Variants in SRRT observed in about 807,000 individuals in gnomAD.
SRRT encodes the protein serrate, RNA effector molecule.
A neutral mutation model predicts 103.2 loss-of-function variants in SRRT; 32 were observed. The ratio of observed to expected loss-of-function variants is 0.31; its 90% CI spans 0.23 to 0.42. The LOEUF is 0.42. SRRT is among the 10% of genes least tolerant of loss of function. SRRT has a pLI of 1.00. For missense variants in SRRT, 986 were observed against 1,207.5 expected, an observed-to-expected ratio of 0.82 and a Z score of 2.72; for synonymous variants, 525 against 449.0, an observed-to-expected ratio of 1.17 and a Z score of -2.14.
chr7:100,884,035 CTG>C, intron 5 of SRRT, 33 bp from the exon 6 acceptor site: 1 of 1,517,446 alleles, frequency 6.6e-7, no homozygotes, highest in Non-Finnish European at 8.8e-7. Context: ...CTTCCAATAA[CTG>C]TTTTGTCTTT....
rs1259989645 is a variant in SRRT, at chr7:100,885,480, G to A, written c.1317+110G>A. Reference sequence around the variant, plus strand: ...ATGCCCCCGTTTCACCTGCTAGGGAGGCCCCTTCCCCAGGTTCCATGGCCT... The same window carrying A: ...ATGCCCCCGTTTCACCTGCTAGGGAAGCCCCTTCCCCAGGTTCCATGGCCT... On this transcript the variant is annotated intron_variant, in intron 10 of 19. Coordinates refer to ENST00000611405, the MANE Select transcript of SRRT (RefSeq NM_015908.6). The surrounding 1 kb of genome is among the most constrained non-coding windows in gnomAD (Gnocchi z 4.8). 1.5e-6 allele frequency: 2 copies of A among 1,290,344 alleles called. No individual in the cohort carries two copies. The highest frequency in any genetic ancestry group is 1.5e-5 in the African/African-American group (1 of 67,112). The allele number at this position is 1,290,344 out of a possible 1,614,324, so 79.9% of individuals were successfully genotyped here.
rs941708559 is a variant in SRRT at position 100,881,568 on chromosome 7, A to G, written c.252-91A>G. ...GTCCCTTGAAACCCTTGTCTGGGAG[A>G]CCATGCTGTGTGTACCCCCGTCTGT... On this transcript the variant is annotated intron_variant, in intron 3 of 19. Coordinates refer to ENST00000611405, the MANE Select transcript of SRRT (RefSeq NM_015908.6). The G allele has an allele frequency of 1.9e-5, 30 of 1,585,364 alleles. No homozygotes were observed. In the Admixed American group the frequency reaches 5.4e-4, roughly 28 times the overall value.
intron 2 of SRRT, among the ~76,000 whole-genome samples, chr7:100,877,174 G>C (rs924579211): frequency 1.7e-4 from 26 of 151,150 alleles, no homozygotes; most frequent in Admixed American, 1.6e-3. Context: ...TGAAATCCCA[G>C]CACTTTGGGA....
intron 3 of SRRT, 66 bp from the exon 4 acceptor site, chr7:100,881,593 T>A: frequency 6.2e-7 from 1 of 1,605,650 alleles, no homozygotes; most frequent in South Asian, 1.1e-5. Flanking sequence ...CCCCCGTCTG[T>A]CCATCCTCCA....
chr7:100,885,264 C>T lies in SRRT; in HGVS notation c.1211C>T (p.Pro404Leu), dbSNP rs1223758146. 9 of 1,614,120 alleles carry T rather than the reference C, an allele frequency of 5.6e-6. No individual in the cohort carries two copies. The highest frequency in any genetic ancestry group is 5.9e-6 in the Non-Finnish European group (7 of 1,180,020). ...EKPKEEEWEK[P>L]KDAAGLECKP... ...CCCAAGGAAGAAGAATGGGAGAAGC[C>T]CAAGGACGCCGCGGGGCTGGAGTGC... The change falls in exon 10 of 20, where the codon CCC (proline) becomes CTC (leucine). Residue 404 changes from proline to leucine, a missense_variant. Pro to Leu is a moderately conservative substitution (Grantham distance 98). Coordinates refer to ENST00000611405, the MANE Select transcript of SRRT (RefSeq NM_015908.6). This position sits in a 1 kb window ranked among gnomAD's most constrained non-coding sequence, Gnocchi z 4.8.
intron 2 of SRRT, among the ~76,000 whole-genome samples, chr7:100,880,046 A>G (rs545784825): frequency 4.5e-4 from 68 of 152,340 alleles, no homozygotes; most frequent in Non-Finnish European, 6.5e-4. Flanking sequence ...GAGAGACCAG[A>G]AGCAGGCGGG....
Position 100,885,493 on chromosome 7 carries a change from G to C in SRRT, c.1317+123G>C, listed in dbSNP as rs888592909. The C allele has an allele frequency of 2.6e-5, 31 of 1,203,526 alleles. No individual in the cohort carries two copies. In the Admixed American group the frequency reaches 7.2e-4, roughly 28 times the overall value. The allele number at this position is 1,203,526 out of a possible 1,614,324, so 74.6% of individuals were successfully genotyped here. On this transcript the variant is annotated intron_variant, in intron 10 of 19. Transcript: ENST00000611405. This position sits in a 1 kb window ranked among gnomAD's most constrained non-coding sequence, Gnocchi z 4.8. ...ACCTGCTAGGGAGGCCCCTTCCCCA[G>C]GTTCCATGGCCTCCGAGGACTAGTC...
In SRRT at chr7:100,888,159, A is replaced by C; in HGVS notation, c.2428+16A>C. 4 of 1,605,664 alleles carry C rather than the reference A, an allele frequency of 2.5e-6. No individual in the cohort carries two copies. The highest frequency in any genetic ancestry group is 3.4e-6 in the Non-Finnish European group (4 of 1,176,022). Reference sequence around the variant, plus strand: ...GGCTATGGAGGTAAGTACAGGAGGGAGATGAAGGGGCTTGGTGAGTGTGTG... The same window carrying C: ...GGCTATGGAGGTAAGTACAGGAGGGCGATGAAGGGGCTTGGTGAGTGTGTG... On this transcript the variant is annotated intron_variant, in intron 18 of 19. Transcript: ENST00000611405.
Position 100,887,890 on chromosome 7 carries a change from C to T in SRRT, c.2326+31C>T, listed in dbSNP as rs1345049332. 2 of 1,584,350 alleles carry T rather than the reference C, an allele frequency of 1.3e-6. No individual in the cohort carries two copies. The highest frequency in any genetic ancestry group is 3.5e-5 in the Admixed American group (2 of 57,154). ...ATACGATCCATGAAGGTCGCATGTG[C>T]CCTCTTCCTTGACTACCCAGGGACT... On this transcript the variant is annotated intron_variant, in intron 17 of 19. Coordinates refer to ENST00000611405, the MANE Select transcript of SRRT (RefSeq NM_015908.6). The surrounding 1 kb of genome is among the most constrained non-coding windows in gnomAD (Gnocchi z 4.1).
At chr7:100,875,539 T>G in intron 1 of SRRT, 34 bp from the exon 2 acceptor site, 1 of 1,608,992 alleles carries the variant, frequency 6.2e-7, no homozygotes. Flanking sequence ...CTCGTCCTTT[T>G]GCACCACTCC....
chr7:100,887,302 TC>T lies in SRRT; in HGVS notation c.1976-17del, dbSNP rs774651817. The T allele has an allele frequency of 1.2e-6, 2 of 1,611,804 alleles. No individual in the cohort carries two copies. Among genetic ancestry groups the T allele is most frequent in the South Asian group, 2.2e-5 (2 of 90,992 alleles). On this transcript the variant is annotated splice_polypyrimidine_tract_variant and intron_variant, in intron 15 of 19. Transcript: ENST00000611405. This position sits in a 1 kb window ranked among gnomAD's most constrained non-coding sequence, Gnocchi z 4.1. ...TGGCTCCCTTGCCAACCTTCCTTCC[TC>T]TGTTCCCAAACCACAGTGCTGGAGT...
intron 5 of SRRT, 80 bp from the exon 6 acceptor site, chr7:100,883,990 T>A (rs531393884): frequency 6.9e-7 from 1 of 1,457,948 alleles, no homozygotes; most frequent in Non-Finnish European, 9.2e-7. Context: ...ATATGCCCTG[T>A]CTTTCCTGGG....
chr7:100,886,177 G>A, intron 12 of SRRT, 70 bp from the exon 13 acceptor site: 1 of 1,529,298 alleles, frequency 6.5e-7, no homozygotes, highest in South Asian at 1.2e-5. Flanking sequence ...AGAGGGAAGG[G>A]TCTTAGAGCT....
In SRRT at chr7:100,884,554, T is replaced by A; in HGVS notation, c.942+2T>A. 4.4e-6 allele frequency: 6 copies of A among 1,354,560 alleles called. No homozygotes were observed. The highest frequency in any genetic ancestry group is 5.9e-6 in the Non-Finnish European group (6 of 1,018,754). 83.9% of individuals were successfully genotyped at this position (1,354,560 alleles called of 1,614,324 possible). A position where few individuals can be genotyped will look rare whatever the true frequency, so the allele number is the denominator to read the frequency against. Reference sequence around the variant, plus strand: ...GAGAAGAAGGAAGACGGCAAGCAGGTCCGAGCCCTGGGTCTCCTAGTGTTG... The same window carrying A: ...GAGAAGAAGGAAGACGGCAAGCAGGACCGAGCCCTGGGTCTCCTAGTGTTG... On this transcript the variant is annotated splice_donor_variant, in intron 7 of 19. Coordinates refer to ENST00000611405, the MANE Select transcript of SRRT (RefSeq NM_015908.6). LOFTEE classifies it high-confidence loss of function.
chr7:100,875,424 T>G (rs1584725431), intron 1 of SRRT, 96 bp downstream of exon 1: 2 of 1,434,408 alleles, frequency 1.4e-6, no homozygotes, highest in Non-Finnish European at 1.8e-6. Context: ...CGAGTGGAGG[T>G]GTTGGAGCCG....
intron 2 of SRRT, among the ~76,000 whole-genome samples, chr7:100,879,102 C>T (rs939637277): frequency 6.6e-6 from 1 of 152,136 alleles, no homozygotes; most frequent in East Asian, 1.9e-4. Flanking sequence ...ATTACAGGTG[C>T]CTGCCACCAC....
intron 13 of SRRT, 173 bp downstream of exon 13, chr7:100,886,608 A>T (rs1362635903): frequency 1.1e-6 from 1 of 942,528 alleles, no homozygotes; most frequent in South Asian, 1.6e-5. Context: ...AACTGGGGGG[A>T]TGCTAGTGAT....
chr7:100,875,567 C>A lies in SRRT; in HGVS notation c.-18-6C>A. ...ACCACTCCTACCGCCTCTCCCCGGT[C>A]CCCAGGCCCCCTCAGACCGTGCCAT... is the stretch of plus-strand genomic sequence containing the variant. On this transcript the variant is annotated splice_region_variant and splice_polypyrimidine_tract_variant and intron_variant, in intron 1 of 19. Transcript: ENST00000611405. 2 of 1,612,986 alleles carry A rather than the reference C, an allele frequency of 1.2e-6. No homozygotes were observed. Among genetic ancestry groups the A allele is most frequent in the South Asian group, 1.1e-5 (1 of 90,998 alleles).
chr7:100,875,345 G>A lies in SRRT; in HGVS notation c.-19+17G>A. On this transcript the variant is annotated intron_variant, in intron 1 of 19. Transcript: ENST00000611405. ...CGCACCAAGGTGGGGGAGGGGAGGA[G>A]CCTGGGGGGCCCCGCTGGGGCGGGA... is the stretch of plus-strand genomic sequence containing the variant. 1 of 1,270,814 alleles carries A rather than the reference G, an allele frequency of 7.9e-7. No individual in the cohort carries two copies. The highest frequency in any genetic ancestry group is 1.0e-6 in the Non-Finnish European group (1 of 993,432). The allele number at this position is 1,270,814 out of a possible 1,614,324, so 78.7% of individuals were successfully genotyped here.
Sources: gnomAD v4.1 joint callset for allele counts (sites outside exome capture counted in the v4.1 genomes callset) on GRCh38, gnomAD v4.1.1 for gene constraint, Gnocchi (gnomAD v3.1) non-coding constraint, MANE v1.5 for transcripts, NCBI Gene and HGNC (gene_info 2026-07-23, HGNC 2026-07-21) for gene names.